The following LAD1 variants were observed in gnomAD, a reference collection of about 807,000 sequenced individuals.
The protein encoded by LAD1 is ladinin 1, also known as ladinin-1.
LAD1 carries 53 observed loss-of-function variants against 54.2 expected under a neutral mutation model. That is an observed-to-expected ratio of 0.98 (90% CI 0.78 to 1.23). The LOEUF is 1.23. LAD1 is among the 50% of genes most tolerant of loss of function. The pLI is 0.00. For synonymous variants in LAD1, 231 were observed against 257.7 expected, an observed-to-expected ratio of 0.90 and a Z score of 0.99; for missense variants, 637 against 653.3, an observed-to-expected ratio of 0.98 and a Z score of 0.27.
Position 201,387,428 on chromosome 1 carries a change from C to T in LAD1, c.183-250G>A, listed in dbSNP as rs750479241. Among the ~76,000 whole-genome samples, 3 of 152,290 alleles carry T rather than the reference C, an allele frequency of 2.0e-5. No individual in the cohort carries two copies. In the South Asian group the frequency reaches 6.2e-4, roughly 32 times the overall value. Reference sequence around the variant, plus strand: ...GAAGTCCAACGACTCCATGTTCAGACGTAGTCAACAGACTCTGAATAACTG... The same window carrying T: ...GAAGTCCAACGACTCCATGTTCAGATGTAGTCAACAGACTCTGAATAACTG... On this transcript the variant is annotated intron_variant, in intron 2 of 9. Coordinates refer to ENST00000391967, the MANE Select transcript of LAD1 (RefSeq NM_005558.4).
At position 201,384,819 on chromosome 1, in the gene LAD1, T is replaced by C. The variant is rs770306930; in HGVS notation, c.1148A>G (p.Glu383Gly). 4 of 1,614,086 alleles carry C rather than the reference T, an allele frequency of 2.5e-6. No homozygotes were observed. The highest frequency in any genetic ancestry group is 1.1e-5 in the South Asian group (1 of 91,080). ...TISFRMKPKK[E>G]NSETTLTRSA... is the part of the protein sequence containing the mutation. ...GCGAGTTAGGGTTGTTTCCGAGTTT[T>C]CTTTCTTGGGTTTCATCTGAAATGA... Residue 383 changes from glutamate to glycine, a missense_variant, in exon 5 of 10, where the codon GAA (glutamate) becomes GGA (glycine). Transcript: ENST00000391967.
At chr1:201,382,897 C>G in intron 7 of LAD1, 158 bp from the exon 8 acceptor site, 1 of 990,876 alleles carries the variant, frequency 1.0e-6, no homozygotes, top group Non-Finnish European at 1.5e-6. Context: ...CCCCAGGGAG[C>G]TGTGTGCCCA....
Position 201,386,639 on chromosome 1 carries a change from T to G in LAD1, c.722A>C (p.Lys241Thr), listed in dbSNP as rs765338134. The G allele has an allele frequency of 1.2e-6, 2 of 1,614,214 alleles. No homozygotes were observed. Among genetic ancestry groups the G allele is most frequent in the Non-Finnish European group, 1.7e-6 (2 of 1,180,024 alleles). ...SVLEKTSVSE[K>T]SLAPGMALGS... ...CAGTGCCATCCCTGGGGCCAGCGAC[T>G]TCTCAGAGACACTGGTTTTTTCTAG... The change falls in exon 3 of 10, where the codon AAG becomes ACG. Residue 241 changes from lysine to threonine, a missense_variant. Physicochemically the swap from Lys to Thr is moderately conservative, Grantham distance 78 (BLOSUM62 -1). Coordinates refer to ENST00000391967, the MANE Select transcript of LAD1 (RefSeq NM_005558.4).
chr1:201,384,496 C>T (rs1282819215), intron 5 of LAD1, among the ~76,000 whole-genome samples: 1 of 152,128 alleles, frequency 6.6e-6, no homozygotes, highest in Non-Finnish European at 1.5e-5. Flanking sequence ...CAGAAAGCCC[C>T]CTTTCCCTGT....
chr1:201,382,359 C>T, intron 8 of LAD1, 33 bp from the exon 9 acceptor site: 2 of 1,547,366 alleles, frequency 1.3e-6, no homozygotes, highest in Non-Finnish European at 1.8e-6. Context: ...AGACCAGAGA[C>T]TAAGACCAGG....
At chr1:201,382,542 GA>G in intron 8 of LAD1, 110 bp downstream of exon 8, 1 of 924,378 alleles carries the variant, frequency 1.1e-6, no homozygotes, top group African/African-American at 1.7e-5. Flanking sequence ...CTCCCGAAAT[GA>G]CTCCTCCTCT....
chr1:201,389,110 G>A, intron 2 of LAD1, 50 bp downstream of exon 2: 1 of 1,587,868 alleles, frequency 6.3e-7, no homozygotes, highest in Non-Finnish European at 8.6e-7. Flanking sequence ...CACTTAGTCT[G>A]AGGCAACCAG....
rs1283261697 is a variant in LAD1, at chr1:201,381,173, T to C, written c.*715A>G. The stretch of plus-strand genomic sequence containing the variant: ...GTGACCTCTGCTAGAAAGCAAGGCC[T>C]CCAGAGAGGAATTCGCTTCTAAGGT... On this transcript the variant is annotated 3_prime_UTR_variant, in exon 10 of 10. Coordinates refer to ENST00000391967, the MANE Select transcript of LAD1 (RefSeq NM_005558.4). 1 of 153,986 alleles carries C rather than the reference T, an allele frequency of 6.5e-6. No homozygotes were observed. The highest frequency in any genetic ancestry group is 2.4e-5 in the African/African-American group (1 of 41,434). 9.5% of individuals were successfully genotyped at this position (153,986 alleles called of 1,614,324 possible).
intron 1 of LAD1, among the ~76,000 whole-genome samples, chr1:201,392,276 T>C (rs1016327183): frequency 3.3e-5 from 5 of 152,262 alleles, no homozygotes; most frequent in African/African-American, 7.2e-5. Context: ...GGACCTACTA[T>C]GTACCAGGCA....
At position 201,381,785 on chromosome 1, in the gene LAD1, A is replaced by C; in HGVS notation, c.*103T>G. On this transcript the variant is annotated 3_prime_UTR_variant, in exon 10 of 10. Coordinates refer to ENST00000391967, the MANE Select transcript of LAD1 (RefSeq NM_005558.4). Reference sequence around the variant, plus strand: ...AAACAGATCCACAGGCAAAAAGGGAACAGGGACAATGAGAGGAAAGGGTGC... The same window carrying C: ...AAACAGATCCACAGGCAAAAAGGGACCAGGGACAATGAGAGGAAAGGGTGC... 2 of 1,286,338 alleles carry C rather than the reference A, an allele frequency of 1.6e-6. No individual in the cohort carries two copies. The highest frequency in any genetic ancestry group is 2.3e-6 in the Non-Finnish European group (2 of 881,358). 79.7% of individuals were successfully genotyped at this position (1,286,338 alleles called of 1,614,324 possible). A position where few individuals can be genotyped will look rare whatever the true frequency, so the allele number is the denominator to read the frequency against.
chr1:201,395,852 G>A lies in LAD1; in HGVS notation c.38+3417C>T, dbSNP rs943701118. ...ACAAGAAACCAAGATTTAAACCTAGGTCAGCCTCTCAAAAGCACCTACGCT... is the reference window on the plus strand; with the variant it reads ...ACAAGAAACCAAGATTTAAACCTAGATCAGCCTCTCAAAAGCACCTACGCT... On this transcript the variant is annotated intron_variant, in intron 1 of 9. Transcript: ENST00000391967. 1.2e-4 allele frequency among the ~76,000 whole-genome samples: 18 copies of A among 152,284 alleles called. 1 individual carries two copies. Among genetic ancestry groups the A allele is most frequent in the Admixed American group, 1.2e-3 (18 of 15,306 alleles).
At position 201,386,613 on chromosome 1, in the gene LAD1, C is replaced by T. The variant is rs768233169; in HGVS notation, c.748G>A (p.Gly250Ser). Residue 250 changes from glycine to serine, a missense_variant, in exon 3 of 10, where the codon GGC becomes AGC. Coordinates refer to ENST00000391967, the MANE Select transcript of LAD1 (RefSeq NM_005558.4). ...EKSLAPGMALGSGRRLVSEKA... is the reference protein window; with the variant it reads ...EKSLAPGMALSSGRRLVSEKA... ...TCAGACACCAGCCTCCTTCCTGAGC[C>T]CAGTGCCATCCCTGGGGCCAGCGAC... is the stretch of plus-strand genomic sequence containing the variant. The T allele has an allele frequency of 3.1e-6, 5 of 1,614,186 alleles. No homozygotes were observed. The East Asian group carries it at 1.1e-4, about 36-fold the overall frequency.
chr1:201,388,459 T>C (rs1571721967), intron 2 of LAD1, among the ~76,000 whole-genome samples: 2 of 149,972 alleles, frequency 1.3e-5, no homozygotes, highest in South Asian at 4.2e-4. Context: ...CCAAGGCAGG[T>C]GGATCATGAG....
rs1474559071 is a variant in LAD1 at position 201,381,441 on chromosome 1, A to T, written c.*447T>A. 2 of 201,322 alleles carry T rather than the reference A, an allele frequency of 9.9e-6. No individual in the cohort carries two copies. Among genetic ancestry groups the T allele is most frequent in the Admixed American group, 1.1e-4 (2 of 18,814 alleles). The allele number at this position is 201,322 out of a possible 1,614,324, so 12.5% of individuals were successfully genotyped here. ...CTGGGAGCAGGCCCCAGGGACAAAG[A>T]TGGGTGGGTCCAGGCCTCAGAGAAG... On this transcript the variant is annotated 3_prime_UTR_variant, in exon 10 of 10. Coordinates refer to ENST00000391967, the MANE Select transcript of LAD1 (RefSeq NM_005558.4).
At chr1:201,391,788 G>T (rs532618871) in intron 1 of LAD1, among the ~76,000 whole-genome samples, 75 of 152,332 alleles carry the variant, frequency 4.9e-4, no homozygotes, top group Middle Eastern at 6.8e-3. Context: ...AGGGTTTGCT[G>T]GGGACAGGAG....
intron 2 of LAD1, 95 bp from the exon 3 acceptor site, chr1:201,387,273 G>T: frequency 1.5e-6 from 2 of 1,329,116 alleles, no homozygotes; most frequent in Non-Finnish European, 1.9e-6. Context: ...GGCCACCAAG[G>T]AGGAGGTGAG....
chr1:201,382,919 G>A (rs1661992169), intron 7 of LAD1, 155 bp downstream of exon 7: 1 of 1,067,376 alleles, frequency 9.4e-7, no homozygotes, highest in Non-Finnish European at 1.4e-6. Flanking sequence ...CTAAGGAGAT[G>A]GGCTCAGGAA....
chr1:201,389,801 G>A (rs1012398204), intron 1 of LAD1, among the ~76,000 whole-genome samples: 2 of 152,006 alleles, frequency 1.3e-5, no homozygotes, highest in African/African-American at 2.4e-5. Context: ...CAGCCTGGGT[G>A]ACACAACAAG....
chr1:201,397,070 G>A (rs1292849858), intron 1 of LAD1, among the ~76,000 whole-genome samples: 2 of 152,180 alleles, frequency 1.3e-5, no homozygotes, highest in Non-Finnish European at 2.9e-5. Context: ...CAATCCCAGG[G>A]TTGGAAGACT....
Sources: gnomAD v4.1 joint callset for allele counts (sites outside exome capture counted in the v4.1 genomes callset) on GRCh38, gnomAD v4.1.1 for gene constraint, MANE v1.5 for transcripts, NCBI Gene and HGNC (gene_info 2026-07-23, HGNC 2026-07-21) for gene names.